The following TMEM117 variants were observed in gnomAD, a reference collection of about 807,000 sequenced individuals.
TMEM117 encodes the protein transmembrane protein 117.
Under a neutral mutation model 52.4 loss-of-function variants are expected in TMEM117, and 27 were observed. The observed-to-expected ratio is 0.51, with a 90% CI of 0.38 to 0.71. TMEM117 has a LOEUF of 0.71. Ranked by LOEUF, TMEM117 falls within the 30% of genes least tolerant of loss-of-function variation. The pLI, the probability that TMEM117 is intolerant of heterozygous loss-of-function variation, is 0.00. For missense variants in TMEM117, 556 were observed against 630.5 expected (o/e 0.88, Z 1.26); for synonymous variants, 215 against 206.3 (o/e 1.04, Z -0.36).
intron 6 of TMEM117, among the ~76,000 whole-genome samples, chr12:44,371,766 G>T (rs912239090): frequency 1.3e-5 from 2 of 152,138 alleles, no homozygotes; most frequent in African/African-American, 4.8e-5. Flanking sequence ...ATGAATCCAA[G>T]ATATCCTGAG....
chr12:43,922,532 G>A lies in TMEM117; in HGVS notation c.278-21678G>A, dbSNP rs1193151207. ...TTTGGTAAATTTGGATTTTATGTTA[G>A]CATGACTTAGCCTCATTAGGGCGTT... is the stretch of plus-strand genomic sequence containing the variant. On this transcript the variant is annotated intron_variant, in intron 2 of 7. Transcript: ENST00000266534. Among the ~76,000 whole-genome samples, 3 of 152,086 alleles carry A rather than the reference G, an allele frequency of 2.0e-5. No individual in the cohort carries two copies. The East Asian group carries it at 5.8e-4, about 29-fold the overall frequency.
At chr12:44,225,158 ATACT>A (rs1180640422) in intron 5 of TMEM117, among the ~76,000 whole-genome samples, 2 of 152,188 alleles carry the variant, frequency 1.3e-5, no homozygotes, top group Non-Finnish European at 2.9e-5. Context: ...TCAAAGAAAA[ATACT>A]TAGTATACTT....
At chr12:44,274,286 T>G (rs1238179808) in intron 5 of TMEM117, among the ~76,000 whole-genome samples, 1 of 152,016 alleles carries the variant, frequency 6.6e-6, no homozygotes, top group Non-Finnish European at 1.5e-5. Context: ...TATAAAACAC[T>G]AATGAAAGAA....
chr12:44,012,583 T>C (rs1214457531), intron 3 of TMEM117, among the ~76,000 whole-genome samples: 2 of 152,158 alleles, frequency 1.3e-5, no homozygotes, highest in African/African-American at 4.8e-5. Context: ...TCCTCAGTCA[T>C]GTCCAATCTA....
At chr12:44,098,263 A>G (rs898514146) in intron 3 of TMEM117, among the ~76,000 whole-genome samples, 1 of 152,056 alleles carries the variant, frequency 6.6e-6, no homozygotes, top group Non-Finnish European at 1.5e-5. Flanking sequence ...TCTTACAGTC[A>G]TAGAGGTCAG....
intron 4 of TMEM117, among the ~76,000 whole-genome samples, chr12:44,209,325 TTGA>T (rs1336038480): frequency 2.6e-5 from 4 of 152,136 alleles, no homozygotes; most frequent in African/African-American, 9.6e-5. Flanking sequence ...CTTACTCCTT[TTGA>T]TAAGTATCAT....
chr12:44,225,914 C>G (rs1009982300), intron 5 of TMEM117, among the ~76,000 whole-genome samples: 1 of 152,182 alleles, frequency 6.6e-6, no homozygotes, highest in African/African-American at 2.4e-5. Context: ...TATATACTCA[C>G]ACTTAACTTG....
chr12:43,868,360 G>A (rs1943645066), intron 2 of TMEM117, among the ~76,000 whole-genome samples: 1 of 151,872 alleles, frequency 6.6e-6, no homozygotes, highest in South Asian at 2.1e-4. Flanking sequence ...GGGCAACGTG[G>A]TTAAAACCCT....
At chr12:44,397,417 C>T in the TMEM117 span, among the ~76,000 whole-genome samples, 1 of 152,024 alleles carries the variant, frequency 6.6e-6, no homozygotes, top group African/African-American at 2.4e-5. Context: ...AAGTGCAGAC[C>T]CATAGCACTT....
intron 5 of TMEM117, among the ~76,000 whole-genome samples, chr12:44,226,874 G>T (rs2138440588): frequency 6.6e-6 from 1 of 152,214 alleles, no homozygotes; most frequent in South Asian, 2.1e-4. Flanking sequence ...CTGTTGTTTA[G>T]GCATCTAGTC....
intron 6 of TMEM117, among the ~76,000 whole-genome samples, chr12:44,334,350 A>G (rs577201257): frequency 1.0e-3 from 157 of 152,192 alleles, no homozygotes; most frequent in Non-Finnish European, 1.7e-3. Flanking sequence ...GGAAAATAGC[A>G]TTCATCCTGG....
chr12:43,815,975 C>T, the TMEM117 span, among the ~76,000 whole-genome samples: 10 of 152,276 alleles, frequency 6.6e-5, no homozygotes, highest in Admixed American at 4.6e-4. Context: ...AATTTTGGAA[C>T]GTCTAAATAA....
intron 5 of TMEM117, among the ~76,000 whole-genome samples, chr12:44,247,991 T>C (rs970093229): frequency 6.6e-6 from 1 of 152,118 alleles, no homozygotes; most frequent in African/African-American, 2.4e-5. Flanking sequence ...AAGGTAGGGT[T>C]TGAGATGAGA....
At chr12:44,100,500 T>C (rs757145566) in intron 3 of TMEM117, among the ~76,000 whole-genome samples, 1 of 152,038 alleles carries the variant, frequency 6.6e-6, no homozygotes, top group Non-Finnish European at 1.5e-5. Flanking sequence ...AGGTTCATTC[T>C]ATTTTTAGCT....
At chr12:44,143,501 T>C (rs919109548) in intron 3 of TMEM117, 24 bp from the exon 4 acceptor site, 2 of 1,574,126 alleles carry the variant, frequency 1.3e-6, no homozygotes, top group African/African-American at 2.7e-5. Flanking sequence ...GTCCGGACAA[T>C]GTCTTGTGTG....
chr12:44,144,811 A>G (rs1174700174), intron 4 of TMEM117, among the ~76,000 whole-genome samples: 1 of 152,166 alleles, frequency 6.6e-6, no homozygotes, highest in African/African-American at 2.4e-5. Flanking sequence ...ATCTCTAGAA[A>G]TAGCAATTAG....
chr12:43,859,170 C>G (rs1428420487), intron 2 of TMEM117, among the ~76,000 whole-genome samples: 3 of 152,202 alleles, frequency 2.0e-5, no homozygotes, highest in African/African-American at 4.8e-5. Flanking sequence ...ACTGTTTCTG[C>G]ATTTCCTGTG....
At chr12:43,885,891 C>T (rs527470424) in intron 2 of TMEM117, among the ~76,000 whole-genome samples, 44 of 152,176 alleles carry the variant, frequency 2.9e-4, no homozygotes, top group Admixed American at 2.3e-3. Flanking sequence ...TAGCTAAGTA[C>T]GGACAAGAGA....
intron 3 of TMEM117, among the ~76,000 whole-genome samples, chr12:44,077,095 A>C (rs921262437): frequency 6.6e-6 from 1 of 152,196 alleles, no homozygotes; most frequent in Admixed American, 6.5e-5. Context: ...GTTCCTGGGG[A>C]GTTAACAAAT....
Sources: allele counts gnomAD v4.1 joint callset (sites outside exome capture counted in the v4.1 genomes callset), GRCh38; gene constraint gnomAD v4.1.1; transcripts MANE v1.5; gene names NCBI Gene and HGNC (gene_info 2026-07-23, HGNC 2026-07-21).